Variants in RUNX1 observed in about 807,000 individuals in gnomAD.
RUNX1 encodes the protein RUNX family transcription factor 1.
RUNX1 carries 19 observed loss-of-function variants against 42.8 expected under a neutral mutation model. The ratio of observed to expected loss-of-function variants is 0.44; its 90% confidence interval spans 0.31 to 0.65. The LOEUF (loss-of-function observed/expected upper bound fraction) is 0.65, where lower values mean the gene tolerates loss of function less well. RUNX1 is among the 30% of genes least tolerant of loss of function. RUNX1 has a pLI of 0.07. For missense variants in RUNX1, 528 were observed against 672.0 expected (o/e 0.79, Z 2.37); for synonymous variants, 271 against 289.4 (o/e 0.94, Z 0.64).
At chr21:35,026,623 G>A (rs1306624953) in intron 2 of RUNX1, among the ~76,000 whole-genome samples, 1 of 152,218 alleles carries the variant, frequency 6.6e-6, no homozygotes, top group Non-Finnish European at 1.5e-5. Context: ...TCATTTTCAT[G>A]ACAGCTCGTA....
chr21:34,812,182 T>C (rs541908477), intron 7 of RUNX1, among the ~76,000 whole-genome samples: 3 of 152,360 alleles, frequency 2.0e-5, no homozygotes, highest in Admixed American at 6.5e-5. Context: ...GGAATCACTA[T>C]CACTTTCTTC....
chr21:34,852,639 A>C (rs1247015160), intron 6 of RUNX1, among the ~76,000 whole-genome samples: 1 of 152,200 alleles, frequency 6.6e-6, no homozygotes, highest in Non-Finnish European at 1.5e-5. Context: ...AATGCCTTTC[A>C]AAGTGGGGAG....
At chr21:34,919,409 G>A (rs1317635378) in intron 2 of RUNX1, among the ~76,000 whole-genome samples, 1 of 152,148 alleles carries the variant, frequency 6.6e-6, no homozygotes, top group African/African-American at 2.4e-5. Flanking sequence ...GAACAGATAA[G>A]GGACCCATCC....
intron 6 of RUNX1, among the ~76,000 whole-genome samples, chr21:34,853,658 T>C (rs542844030): frequency 1.4e-3 from 214 of 152,330 alleles, no homozygotes; most frequent in Non-Finnish European, 2.1e-3. Flanking sequence ...ATAACACTAT[T>C]TAATGTTAGC....
chr21:34,903,814 G>A (rs532616162), intron 2 of RUNX1, among the ~76,000 whole-genome samples: 1 of 152,166 alleles, frequency 6.6e-6, no homozygotes, highest in South Asian at 2.1e-4. Context: ...CTTTCTTGTG[G>A]GGTCATGAAA....
At chr21:34,853,377 T>C (rs925081300) in intron 6 of RUNX1, among the ~76,000 whole-genome samples, 1 of 152,186 alleles carries the variant, frequency 6.6e-6, no homozygotes, top group Non-Finnish European at 1.5e-5. Context: ...GAAAACTGTA[T>C]GTGACCCAGA....
chr21:34,849,312 T>A (rs1174859591), intron 6 of RUNX1, among the ~76,000 whole-genome samples: 1 of 36,242 alleles, frequency 2.8e-5, no homozygotes, highest in African/African-American at 1.0e-4. Context: ...ATAATATATA[T>A]TATATATATA....
Position 34,792,387 on chromosome 21 carries a change from T to A in RUNX1, c.1191A>T (p.Gln397His), listed in dbSNP as rs1176713877. ...GSSQAQGGPFQASSPSYHLYY... is the reference protein window; with the variant it reads ...GSSQAQGGPFHASSPSYHLYY... ...ACAGGTGGTAGGAGGGCGAGCTGGC[T>A]TGGAACGGGCCTCCCTGCGCTTGCG... Residue 397 changes from glutamine (Q) to histidine (H), a missense_variant, in exon 9 of 9, where the codon CAA (glutamine) becomes CAT (histidine). Transcript: ENST00000675419. This position sits in a 1 kb window ranked among gnomAD's most constrained non-coding sequence, Gnocchi z 6.9. 3 of 1,564,024 alleles carry A rather than the reference T, an allele frequency of 1.9e-6. No homozygotes were observed. Among genetic ancestry groups the A allele is most frequent in the Non-Finnish European group, 2.6e-6 (3 of 1,154,272 alleles).
chr21:34,858,880 C>T (rs1365431293), intron 6 of RUNX1, among the ~76,000 whole-genome samples: 25 of 152,188 alleles, frequency 1.6e-4, no homozygotes, highest in Admixed American at 6.5e-5. Context: ...AAAAGCTTCC[C>T]TCACAGGAGT....
chr21:34,879,876 T>C lies in RUNX1; in HGVS notation c.508+681A>G, dbSNP rs572097322. Among the ~76,000 whole-genome samples, 75 of 152,302 alleles carry C rather than the reference T, an allele frequency of 4.9e-4. No individual in the cohort carries two copies. In the South Asian group the frequency reaches 7.5e-3, roughly 15 times the overall value. On this transcript the variant is annotated intron_variant, in intron 5 of 8. Transcript: ENST00000675419. Reference sequence around the variant, plus strand: ...GAGTTAAAGGCAAGGAAAAATAAAATCACACATGGAGCTGAAGTAATGCAA... The same window carrying C: ...GAGTTAAAGGCAAGGAAAAATAAAACCACACATGGAGCTGAAGTAATGCAA...
At chr21:34,888,253 G>A in intron 3 of RUNX1, 2 of 1,067,210 alleles carry the variant, frequency 1.9e-6, no homozygotes, top group Non-Finnish European at 2.3e-6. Context: ...ACCGCAGCAG[G>A]TGGAGCGGGC....
At chr21:34,996,398 T>C (rs1040074634) in intron 2 of RUNX1, among the ~76,000 whole-genome samples, 1 of 151,966 alleles carries the variant, frequency 6.6e-6, no homozygotes, top group Non-Finnish European at 1.5e-5. Context: ...AACTGGGGGC[T>C]GGGGGAGATC....
intron 2 of RUNX1, among the ~76,000 whole-genome samples, chr21:35,010,320 T>C (rs1302112377): frequency 6.6e-6 from 1 of 152,188 alleles, no homozygotes; most frequent in Non-Finnish European, 1.5e-5. Flanking sequence ...GCTAGGAATT[T>C]AATCCATCAA....
chr21:34,885,213 CA>C (rs1334852327), intron 4 of RUNX1, among the ~76,000 whole-genome samples: 1 of 152,126 alleles, frequency 6.6e-6, no homozygotes, highest in East Asian at 1.9e-4. Context: ...TGCATTGGGG[CA>C]GCCAGGTTTT....
At chr21:35,016,753 T>C (rs1189855282) in intron 2 of RUNX1, among the ~76,000 whole-genome samples, 1 of 152,164 alleles carries the variant, frequency 6.6e-6, no homozygotes, top group East Asian at 1.9e-4. Flanking sequence ...CTCTTAGCAC[T>C]TGCCCCAGGC....
intron 2 of RUNX1, among the ~76,000 whole-genome samples, chr21:35,039,447 T>G (rs182008435): frequency 5.5e-4 from 83 of 152,278 alleles, no homozygotes; most frequent in Middle Eastern, 3.4e-3. Flanking sequence ...ATTATAGATT[T>G]TAAAAAATAA....
At chr21:34,889,899 C>T (rs1052694649) in intron 3 of RUNX1, 6 of 1,036,912 alleles carry the variant, frequency 5.8e-6, no homozygotes, top group African/African-American at 5.0e-5. Flanking sequence ...TCATCCACCC[C>T]GGGGCTGCAA....
chr21:35,010,746 T>A (rs538662409), intron 2 of RUNX1, among the ~76,000 whole-genome samples: 3 of 152,166 alleles, frequency 2.0e-5, no homozygotes, highest in Non-Finnish European at 2.9e-5. Context: ...TAATTTTACA[T>A]AAACACACTC....
chr21:34,978,937 T>TACACACACACACACACACAC lies in RUNX1; in HGVS notation c.58+69885_58+69904dup, dbSNP rs10673190. ...TTCTCAGACAAAACACACACACAGATACACACACACACACACACACACACA... is the reference window on the plus strand; with the variant it reads ...TTCTCAGACAAAACACACACACAGATACACACACACACACACACACACACACACACACACACACACACACA... On this transcript the variant is annotated intron_variant, in intron 2 of 8. Coordinates refer to ENST00000675419, the MANE Select transcript of RUNX1 (RefSeq NM_001754.5). 4.6e-3 allele frequency among the ~76,000 whole-genome samples: 616 copies of TACACACACACACACACACAC among 134,126 alleles called. 15 individuals carry two copies. The highest frequency in any genetic ancestry group is 5.8e-3 in the African/African-American group (201 of 34,924). 88.0% of individuals were successfully genotyped at this position (134,126 alleles called of 152,430 possible). A position where few individuals can be genotyped will look rare whatever the true frequency, so the allele number is the denominator to read the frequency against.
Sources: allele counts gnomAD v4.1 joint callset (sites outside exome capture counted in the v4.1 genomes callset), GRCh38; gene constraint gnomAD v4.1.1; non-coding constraint Gnocchi (gnomAD v3.1); transcripts MANE v1.5; gene names NCBI Gene and HGNC (gene_info 2026-07-23, HGNC 2026-07-21).